Variants in FANCC observed in about 807,000 individuals in gnomAD.
The protein encoded by FANCC is FA complementation group C.
FANCC carries 55 observed loss-of-function variants against 71.3 expected under a neutral mutation model. The ratio of observed to expected loss-of-function variants is 0.77; its 90% confidence interval spans 0.62 to 0.97. FANCC has a LOEUF of 0.97. FANCC is among the 50% of genes least tolerant of loss of function. The pLI is 0.00. For missense variants in FANCC, 678 were observed against 670.9 expected, an observed-to-expected ratio of 1.01 and a Z score of -0.12; for synonymous variants, 275 against 244.9, an observed-to-expected ratio of 1.12 and a Z score of -1.15.
chr9:95,294,297 G>C (rs771505685), intron 1 of FANCC: 2 of 1,583,748 alleles, frequency 1.3e-6, no homozygotes, highest in African/African-American at 1.3e-5. Flanking sequence ...AAACTGAAGA[G>C]AGTGAACTTA....
intron 6 of FANCC, among the ~76,000 whole-genome samples, chr9:95,170,750 C>T (rs1825622966): frequency 6.6e-6 from 1 of 150,462 alleles, no homozygotes; most frequent in Non-Finnish European, 1.5e-5. Context: ...GCACATTCTC[C>T]TCTTGCAGAG....
chr9:95,294,099 C>T (rs1372498765), intron 1 of FANCC: 1 of 1,610,602 alleles, frequency 6.2e-7, no homozygotes, highest in Non-Finnish European at 8.5e-7. Context: ...AGACCCAAAC[C>T]ATAGATTTAT....
At chr9:95,181,897 C>A (rs749819477) in intron 4 of FANCC, among the ~76,000 whole-genome samples, 1 of 152,170 alleles carries the variant, frequency 6.6e-6, no homozygotes, top group Non-Finnish European at 1.5e-5. Context: ...AGAGGGAAAT[C>A]CACTGCCCTT....
At chr9:95,266,342 T>C (rs1458638401) in intron 1 of FANCC, among the ~76,000 whole-genome samples, 1 of 152,216 alleles carries the variant, frequency 6.6e-6, no homozygotes, top group African/African-American at 2.4e-5. Flanking sequence ...GATGCAGTCA[T>C]TGAAACTCAC....
intron 14 of FANCC, among the ~76,000 whole-genome samples, chr9:95,105,422 A>G (rs1211441248): frequency 6.6e-6 from 1 of 152,228 alleles, no homozygotes; most frequent in East Asian, 1.9e-4. Context: ...TTCTGTATGT[A>G]TATGTCAACA....
chr9:95,102,729 C>T (rs1160528627), intron 14 of FANCC, among the ~76,000 whole-genome samples: 1 of 152,238 alleles, frequency 6.6e-6, no homozygotes, highest in Admixed American at 6.5e-5. Context: ...CAGCCCAGGA[C>T]ACCCTTCAGA....
At chr9:95,297,834 A>G (rs1834476652) in intron 1 of FANCC, among the ~76,000 whole-genome samples, 1 of 152,218 alleles carries the variant, frequency 6.6e-6, no homozygotes, top group East Asian at 1.9e-4. Flanking sequence ...AAGAAAGGAA[A>G]GCATCATGAT....
chr9:95,216,099 T>C lies in FANCC; in HGVS notation c.345+24550A>G, dbSNP rs4647456. On this transcript the variant is annotated intron_variant, in intron 4 of 14. Transcript: ENST00000289081. ...AAAACCAAAAACTATACGCTACCTA[T>C]GAAAAACCCACTTTAAAGACACAAG... is the stretch of plus-strand genomic sequence containing the variant. Among the ~76,000 whole-genome samples, 1,101 of 152,178 alleles carry C rather than the reference T, an allele frequency of 7.2e-3. 12 individuals carry two copies. Among genetic ancestry groups the C allele is most frequent in the African/African-American group, 0.025 (1,046 of 41,498 alleles).
intron 4 of FANCC, among the ~76,000 whole-genome samples, chr9:95,229,445 T>G (rs1388049920): frequency 6.6e-6 from 1 of 152,060 alleles, no homozygotes; most frequent in African/African-American, 2.4e-5. Context: ...TCTGGACACG[T>G]GTCACAGATA....
chr9:95,266,529 A>G (rs1832394625), intron 1 of FANCC, among the ~76,000 whole-genome samples: 1 of 152,198 alleles, frequency 6.6e-6, no homozygotes, highest in South Asian at 2.1e-4. Flanking sequence ...TTCTTTTATA[A>G]TATCTCCCTA....
intron 4 of FANCC, among the ~76,000 whole-genome samples, chr9:95,198,869 C>G (rs1166976606): frequency 1.3e-5 from 2 of 151,928 alleles, no homozygotes; most frequent in Non-Finnish European, 2.9e-5. Flanking sequence ...TCCCAAGTAG[C>G]TAGGACAACA....
At chr9:95,227,712 G>A (rs1207936826) in intron 4 of FANCC, among the ~76,000 whole-genome samples, 3 of 152,182 alleles carry the variant, frequency 2.0e-5, no homozygotes, top group Non-Finnish European at 4.4e-5. Flanking sequence ...TGCCTTCCAA[G>A]TTAAGTGAAT....
intron 1 of FANCC, among the ~76,000 whole-genome samples, chr9:95,298,196 T>C (rs992273529): frequency 8.6e-5 from 13 of 151,862 alleles, no homozygotes; most frequent in Non-Finnish European, 1.8e-4. Context: ...GGAGAACACA[T>C]AGTATTTAGT....
At chr9:95,210,621 C>T (rs1407546994) in intron 4 of FANCC, among the ~76,000 whole-genome samples, 1 of 152,074 alleles carries the variant, frequency 6.6e-6, no homozygotes, top group African/African-American at 2.4e-5. Flanking sequence ...ACTGTAATTT[C>T]GAAAAGTTAT....
chr9:95,309,979 T>C (rs891875840), intron 1 of FANCC, among the ~76,000 whole-genome samples: 1 of 152,236 alleles, frequency 6.6e-6, no homozygotes, highest in Non-Finnish European at 1.5e-5. Context: ...ATGTCCTACC[T>C]AGCTGCAAGT....
intron 5 of FANCC, 140 bp downstream of exon 5, chr9:95,171,897 A>G: frequency 1.5e-6 from 1 of 663,944 alleles, no homozygotes. Context: ...CATGGCCATA[A>G]GTCTGCCCAA....
chr9:95,109,015 T>C (rs1173252177), intron 13 of FANCC, among the ~76,000 whole-genome samples: 1 of 152,058 alleles, frequency 6.6e-6, no homozygotes, highest in Non-Finnish European at 1.5e-5. Flanking sequence ...AAGCGATCCT[T>C]CCATCTATCT....
chr9:95,116,960 C>G (rs766578852), intron 11 of FANCC, among the ~76,000 whole-genome samples: 1 of 152,216 alleles, frequency 6.6e-6, no homozygotes, highest in Non-Finnish European at 1.5e-5. Context: ...GAAAAGCAAA[C>G]GAATGTACTG....
intron 12 of FANCC, 61 bp from the exon 13 acceptor site, chr9:95,111,698 T>G: frequency 6.2e-7 from 1 of 1,601,872 alleles, no homozygotes; most frequent in South Asian, 1.1e-5. Context: ...TTTGGGTTTT[T>G]AAAGCAACTT....
Sources: allele counts gnomAD v4.1 joint callset (sites outside exome capture counted in the v4.1 genomes callset), GRCh38; gene constraint gnomAD v4.1.1; transcripts MANE v1.5; gene names NCBI Gene and HGNC (gene_info 2026-07-23, HGNC 2026-07-21).